The following ADGB variants were observed in gnomAD, a reference collection of about 807,000 sequenced individuals.
ADGB encodes the protein androglobin.
Under a neutral mutation model 210.5 loss-of-function variants are expected in ADGB, and 172 were observed. That is an observed-to-expected ratio of 0.82 (90% CI 0.72 to 0.93). ADGB has a LOEUF of 0.93. Among genes scored for constraint, ADGB ranks in the 40% least tolerant of loss-of-function variants. The pLI is 0.00. For missense variants in ADGB, 2,025 were observed against 1,964.8 expected (o/e 1.03, Z -0.58); for synonymous variants, 658 against 662.7 (o/e 0.99, Z 0.11).
intron 19 of ADGB, among the ~76,000 whole-genome samples, chr6:146,727,481 T>C (rs1776913614): frequency 6.6e-6 from 1 of 152,216 alleles, no homozygotes; most frequent in Non-Finnish European, 1.5e-5. Flanking sequence ...TTTCAAGTTG[T>C]CTTTTTAAGA....
At chr6:146,685,643 T>A (rs977555898) in intron 9 of ADGB, 91 bp from the exon 10 acceptor site, 20 of 587,790 alleles carry the variant, frequency 3.4e-5, no homozygotes, top group Non-Finnish European at 4.9e-5. Flanking sequence ...CGAAGATAAA[T>A]TCATTAAGGC....
chr6:146,792,142 T>C (rs953850488), intron 33 of ADGB, among the ~76,000 whole-genome samples: 1 of 152,096 alleles, frequency 6.6e-6, no homozygotes, highest in African/African-American at 2.4e-5. Flanking sequence ...CTTTGTAATA[T>C]GTTTTGAAGT....
intron 33 of ADGB, among the ~76,000 whole-genome samples, chr6:146,799,895 T>C (rs776022946): frequency 6.6e-6 from 1 of 151,958 alleles, no homozygotes; most frequent in African/African-American, 2.4e-5. Context: ...CTGCAACTTC[T>C]GCCGCCCGGG....
chr6:146,686,743 T>C (rs1776238861), intron 10 of ADGB, among the ~76,000 whole-genome samples: 1 of 152,076 alleles, frequency 6.6e-6, no homozygotes, highest in African/African-American at 2.4e-5. Context: ...CCAATTCTGT[T>C]TGGGAACTGT....
intron 3 of ADGB, among the ~76,000 whole-genome samples, chr6:146,645,429 A>G (rs1263478450): frequency 1.3e-5 from 2 of 152,004 alleles, no homozygotes; most frequent in Admixed American, 1.3e-4. Context: ...ATCTTCAGAC[A>G]CCCTAGTCTA....
At chr6:146,615,370 T>A (rs1363005888) in intron 1 of ADGB, among the ~76,000 whole-genome samples, 1 of 152,150 alleles carries the variant, frequency 6.6e-6, no homozygotes, top group Non-Finnish European at 1.5e-5. Flanking sequence ...CAACATGAGA[T>A]TTGGAGGGGA....
At chr6:146,749,371 G>A (rs900277204) in intron 26 of ADGB, among the ~76,000 whole-genome samples, 2 of 152,146 alleles carry the variant, frequency 1.3e-5, no homozygotes, top group African/African-American at 4.8e-5. Context: ...TTTGCAAAAT[G>A]AGAATCAGAC....
At chr6:146,763,552 T>C (rs2114624855) in intron 27 of ADGB, among the ~76,000 whole-genome samples, 1 of 152,314 alleles carries the variant, frequency 6.6e-6, no homozygotes, top group South Asian at 2.1e-4. Flanking sequence ...GAGAAAGTCT[T>C]TTATAAGTGT....
At chr6:146,674,411 T>C (rs973569280) in intron 8 of ADGB, among the ~76,000 whole-genome samples, 1 of 152,060 alleles carries the variant, frequency 6.6e-6, no homozygotes, top group African/African-American at 2.4e-5. Context: ...TGCAGTAGTA[T>C]ATGTTTTCTG....
At chr6:146,814,753 C>T (rs375169675) in intron 35 of ADGB, among the ~76,000 whole-genome samples, 2 of 152,082 alleles carry the variant, frequency 1.3e-5, no homozygotes, top group South Asian at 2.1e-4. Flanking sequence ...TATTTGAAAT[C>T]ATTTAAACAG....
intron 17 of ADGB, among the ~76,000 whole-genome samples, chr6:146,721,864 T>C (rs1776822338): frequency 6.6e-6 from 1 of 152,140 alleles, no homozygotes; most frequent in South Asian, 2.1e-4. Flanking sequence ...ATTTTAAAAA[T>C]ATTTTTAGAA....
At chr6:146,638,613 G>GC (rs760633164) in intron 2 of ADGB, among the ~76,000 whole-genome samples, 2 of 118,702 alleles carry the variant, frequency 1.7e-5, no homozygotes, top group East Asian at 2.7e-4. Flanking sequence ...GTGGGGTGGG[G>GC]GGGGGGGGGA....
chr6:146,600,158 C>G (rs900936157), intron 1 of ADGB, among the ~76,000 whole-genome samples: 6 of 151,912 alleles, frequency 3.9e-5, no homozygotes, highest in Non-Finnish European at 8.8e-5. Context: ...TTCCAGTTAC[C>G]CGGCAGATAA....
At chr6:146,746,505 C>G (rs940764423) in intron 26 of ADGB, among the ~76,000 whole-genome samples, 2 of 152,140 alleles carry the variant, frequency 1.3e-5, no homozygotes, top group African/African-American at 4.8e-5. Context: ...ATAGATTCCA[C>G]TCTCTTTCAT....
intron 23 of ADGB, among the ~76,000 whole-genome samples, chr6:146,738,601 A>G (rs1194297865): frequency 1.3e-5 from 2 of 151,620 alleles, no homozygotes; most frequent in South Asian, 2.1e-4. Context: ...AGGTGCTACC[A>G]CCATGCCCAG....
chr6:146,640,282 A>G (rs993510690), intron 2 of ADGB, among the ~76,000 whole-genome samples: 6 of 151,926 alleles, frequency 3.9e-5, no homozygotes, highest in African/African-American at 1.2e-4. Context: ...CCTACCAACC[A>G]AACAAAAGCT....
chr6:146,654,103 TG>T, intron 3 of ADGB, 31 bp from the exon 4 acceptor site: 1 of 1,256,196 alleles, frequency 8.0e-7, no homozygotes, highest in Non-Finnish European at 1.1e-6. Flanking sequence ...ATTTTTCTTA[TG>T]GAGTAATATA....
chr6:146,638,693 AT>A (rs1281042289), intron 2 of ADGB, among the ~76,000 whole-genome samples: 1 of 151,678 alleles, frequency 6.6e-6, no homozygotes, highest in Non-Finnish European at 1.5e-5. Flanking sequence ...AACAAGGCAC[AT>A]GTATACATAT....
intron 5 of ADGB, among the ~76,000 whole-genome samples, chr6:146,661,734 C>A (rs545988828): frequency 9.4e-4 from 142 of 151,590 alleles, no homozygotes; most frequent in Non-Finnish European, 1.4e-3. Flanking sequence ...TCCTTTTATT[C>A]TCCTTTCTTT....
Sources: gnomAD v4.1 joint callset for allele counts (sites outside exome capture counted in the v4.1 genomes callset) on GRCh38, gnomAD v4.1.1 for gene constraint, MANE v1.5 for transcripts, NCBI Gene and HGNC (gene_info 2026-07-23, HGNC 2026-07-21) for gene names.